PLCL2: variants seen among roughly 807,000 people sequenced by gnomAD.
PLCL2 encodes the protein phospholipase C like 2.
A neutral mutation model predicts 79.6 loss-of-function variants in PLCL2; 4 were observed. That is an observed-to-expected ratio of 0.05 (90% CI 0.02 to 0.11). The LOEUF is 0.11. Ranked by LOEUF, PLCL2 falls within the 10% of genes least tolerant of loss-of-function variation. The pLI is 1.00. For missense variants in PLCL2, 895 were observed against 1,291.0 expected (o/e 0.69, Z 4.70); for synonymous variants, 484 against 457.7 (o/e 1.06, Z -0.73).
chr3:17,018,652 C>T (rs117180698), intron 3 of PLCL2, among the ~76,000 whole-genome samples: 1,640 of 152,262 alleles, frequency 0.011, 30 homozygotes, highest in Admixed American at 0.046. Flanking sequence ...ACATCATGAC[C>T]ATAAAGTCAG....
intron 1 of PLCL2, among the ~76,000 whole-genome samples, chr3:16,971,565 G>T (rs1399745702): frequency 6.6e-6 from 1 of 152,184 alleles, no homozygotes; most frequent in Admixed American, 6.5e-5. Context: ...CTTTAAAGTA[G>T]TTTTTTCTAA....
intron 1 of PLCL2, among the ~76,000 whole-genome samples, chr3:17,003,045 T>G (rs1488849634): frequency 6.6e-6 from 1 of 152,208 alleles, no homozygotes; most frequent in Non-Finnish European, 1.5e-5. Context: ...TTAATCATAG[T>G]TGTTTTAATC....
intron 4 of PLCL2, among the ~76,000 whole-genome samples, chr3:17,050,840 G>T (rs1311403317): frequency 6.6e-6 from 1 of 152,164 alleles, no homozygotes; most frequent in Non-Finnish European, 1.5e-5. Context: ...AGAGATACCT[G>T]CACTCCCATG....
chr3:17,029,188 C>T (rs1239652785), intron 3 of PLCL2, among the ~76,000 whole-genome samples: 1 of 151,594 alleles, frequency 6.6e-6, no homozygotes, highest in Non-Finnish European at 1.5e-5. Context: ...AGAGAGGGAC[C>T]AGAGGCAGGA....
chr3:17,016,474 C>A (rs2064385195), intron 3 of PLCL2, among the ~76,000 whole-genome samples: 1 of 152,106 alleles, frequency 6.6e-6, no homozygotes, highest in African/African-American at 2.4e-5. Flanking sequence ...AGGAGGGAGG[C>A]CAGGGTCAGG....
intron 1 of PLCL2, among the ~76,000 whole-genome samples, chr3:17,008,550 G>A (rs1256275923): frequency 6.6e-6 from 1 of 151,994 alleles, no homozygotes; most frequent in East Asian, 1.9e-4. Context: ...CTGGTTCCAT[G>A]GGCCTAGCAA....
chr3:16,896,740 G>T (rs1206185996), intron 1 of PLCL2, among the ~76,000 whole-genome samples: 1 of 152,090 alleles, frequency 6.6e-6, no homozygotes, highest in Non-Finnish European at 1.5e-5. Flanking sequence ...TCGGTCAACA[G>T]AGAGTTTTAG....
intron 1 of PLCL2, among the ~76,000 whole-genome samples, chr3:17,005,242 GC>G (rs1222764476): frequency 6.6e-6 from 1 of 152,170 alleles, no homozygotes; most frequent in Non-Finnish European, 1.5e-5. Flanking sequence ...CTATCTGTGT[GC>G]CCTTAGACAA....
At chr3:17,013,719 C>T (rs964631810) in intron 2 of PLCL2, among the ~76,000 whole-genome samples, 9 of 152,246 alleles carry the variant, frequency 5.9e-5, no homozygotes, top group Non-Finnish European at 1.2e-4. Flanking sequence ...TCCACCCCCT[C>T]TGCCCGCATG....
intron 1 of PLCL2, among the ~76,000 whole-genome samples, chr3:16,912,750 T>C (rs979517635): frequency 6.6e-6 from 1 of 152,250 alleles, no homozygotes; most frequent in Non-Finnish European, 1.5e-5. Flanking sequence ...TCTGAATTGC[T>C]GTTGACTGTG....
At chr3:16,924,333 A>T (rs1458640995) in intron 1 of PLCL2, among the ~76,000 whole-genome samples, 1 of 152,166 alleles carries the variant, frequency 6.6e-6, no homozygotes, top group African/African-American at 2.4e-5. Flanking sequence ...TATAAAGTCT[A>T]TATTCTTTAT....
chr3:17,080,678 T>C (rs951125079), intron 5 of PLCL2, among the ~76,000 whole-genome samples: 4 of 152,208 alleles, frequency 2.6e-5, no homozygotes, highest in Non-Finnish European at 5.9e-5. Context: ...CTTGAACTCC[T>C]GACCTCAGGT....
chr3:16,951,171 A>G (rs556272435), intron 1 of PLCL2, among the ~76,000 whole-genome samples: 1 of 152,218 alleles, frequency 6.6e-6, no homozygotes, highest in South Asian at 2.1e-4. Context: ...CTATTCTTTC[A>G]GAATATGGTA....
intron 1 of PLCL2, among the ~76,000 whole-genome samples, chr3:16,900,595 A>G (rs1696594448): frequency 6.6e-6 from 1 of 152,234 alleles, no homozygotes; most frequent in Non-Finnish European, 1.5e-5. Flanking sequence ...AAAACTTCAT[A>G]ACCAAAAAAG....
rs141082326 is a variant in PLCL2, at chr3:17,067,213, A to G, written c.3095-743A>G. On this transcript the variant is annotated intron_variant, in intron 4 of 5. Coordinates refer to ENST00000615277, the MANE Select transcript of PLCL2 (RefSeq NM_001144382.2). ...ATACTCTTAAGGACAAAAAAATGCT[A>G]AGAATGTTTAAATTGGATTCAGCGG... Among the ~76,000 whole-genome samples the G allele has an allele frequency of 3.6e-3, 555 of 152,290 alleles. 3 individuals carry two copies. The highest frequency in any genetic ancestry group is 0.012 in the African/African-American group (509 of 41,564).
At chr3:17,059,067 T>G (rs1190509740) in intron 4 of PLCL2, among the ~76,000 whole-genome samples, 1 of 152,200 alleles carries the variant, frequency 6.6e-6, no homozygotes, top group Non-Finnish European at 1.5e-5. Context: ...TCAGAGATTA[T>G]TCTATAAATA....
chr3:17,085,999 A>G (rs2065216161), intron 5 of PLCL2, among the ~76,000 whole-genome samples: 1 of 152,236 alleles, frequency 6.6e-6, no homozygotes, highest in Admixed American at 6.5e-5. Context: ...AACTTGATAT[A>G]TAGATTCAAC....
intron 1 of PLCL2, among the ~76,000 whole-genome samples, chr3:16,991,564 T>G (rs1559510511): frequency 6.6e-6 from 1 of 152,196 alleles, no homozygotes; most frequent in Non-Finnish European, 1.5e-5. Context: ...CATTATATCT[T>G]CTAACTCAAG....
At chr3:16,936,159 T>C (rs932262964) in intron 1 of PLCL2, among the ~76,000 whole-genome samples, 2 of 152,210 alleles carry the variant, frequency 1.3e-5, no homozygotes, top group African/African-American at 4.8e-5. Context: ...GGAAATAAAA[T>C]GCCACAGTCC....
Sources: allele counts gnomAD v4.1 joint callset (sites outside exome capture counted in the v4.1 genomes callset), GRCh38; gene constraint gnomAD v4.1.1; transcripts MANE v1.5; gene names NCBI Gene and HGNC (gene_info 2026-07-23, HGNC 2026-07-21).